Variants in CNTNAP5 observed in about 807,000 individuals in gnomAD.
The protein encoded by CNTNAP5 is contactin-associated protein-like 5.
CNTNAP5 carries 72 observed loss-of-function variants against 150.2 expected under a neutral mutation model. The ratio of observed to expected loss-of-function variants is 0.48; its 90% CI spans 0.40 to 0.58. The LOEUF is 0.58. Ranked by LOEUF, CNTNAP5 falls within the 20% of genes least tolerant of loss-of-function variation. CNTNAP5 has a pLI of 0.00. For missense variants in CNTNAP5, 1,636 were observed against 1,626.2 expected, an observed-to-expected ratio of 1.01 and a Z score of -0.10; for synonymous variants, 672 against 619.8, an observed-to-expected ratio of 1.08 and a Z score of -1.25.
At chr2:124,214,802 T>C (rs138270583) in intron 1 of CNTNAP5, among the ~76,000 whole-genome samples, 67 of 152,314 alleles carry the variant, frequency 4.4e-4, no homozygotes, top group Admixed American at 4.3e-3. Context: ...TTCTGTCTTC[T>C]CACAGCAAGA....
At chr2:124,617,097 T>C (rs990859853) in intron 12 of CNTNAP5, among the ~76,000 whole-genome samples, 1 of 151,944 alleles carries the variant, frequency 6.6e-6, no homozygotes, top group East Asian at 1.9e-4. Context: ...ATAATTATAA[T>C]AATAATATAC....
At chr2:124,034,204 C>T (rs939335650) in intron 1 of CNTNAP5, among the ~76,000 whole-genome samples, 18 of 152,310 alleles carry the variant, frequency 1.2e-4, no homozygotes, top group African/African-American at 4.1e-4. Context: ...TACTAACATG[C>T]ACCTTGCAAA....
chr2:124,555,258 T>G (rs1023208789), intron 10 of CNTNAP5, among the ~76,000 whole-genome samples: 1 of 152,202 alleles, frequency 6.6e-6, no homozygotes, highest in Non-Finnish European at 1.5e-5. Context: ...TATTTTAAAC[T>G]TTTGATACTG....
rs575399762 is a variant in CNTNAP5 at position 124,858,834 on chromosome 2, T to C, written c.3218-6472T>C. Among the ~76,000 whole-genome samples, 10 of 151,982 alleles carry C rather than the reference T, an allele frequency of 6.6e-5. No individual in the cohort carries two copies. In the East Asian group the frequency reaches 1.9e-3, roughly 29 times the overall value. On this transcript the variant is annotated intron_variant, in intron 19 of 23. Coordinates refer to ENST00000682447, the MANE Select transcript of CNTNAP5 (RefSeq NM_001367498.1). ...GCCAAAATTAGTAGAAGAAAAGAAA[T>C]AATAAAAACTGGCTAGACATATGAA...
chr2:124,034,783 A>G (rs1681164597), intron 1 of CNTNAP5, among the ~76,000 whole-genome samples: 1 of 152,264 alleles, frequency 6.6e-6, no homozygotes. Flanking sequence ...CAATGTTCTC[A>G]GCTCCCTAAG....
chr2:124,779,025 G>A (rs186235284), intron 17 of CNTNAP5, among the ~76,000 whole-genome samples: 7 of 152,270 alleles, frequency 4.6e-5, no homozygotes, highest in African/African-American at 7.2e-5. Context: ...CTCATCTTCC[G>A]TGTGTAGAGG....
At chr2:124,841,342 C>T (rs751148352) in intron 19 of CNTNAP5, among the ~76,000 whole-genome samples, 19 of 151,758 alleles carry the variant, frequency 1.3e-4, no homozygotes, top group African/African-American at 2.7e-4. Context: ...CAAGCTTACA[C>T]GCCCACCTTC....
chr2:124,828,194 G>A (rs1448656736), intron 19 of CNTNAP5, among the ~76,000 whole-genome samples: 2 of 152,188 alleles, frequency 1.3e-5, no homozygotes, highest in East Asian at 3.9e-4. Context: ...TAAAAAATAT[G>A]GTATTGGCCA....
intron 1 of CNTNAP5, among the ~76,000 whole-genome samples, chr2:124,072,217 C>T (rs1054623196): frequency 6.6e-5 from 10 of 151,784 alleles, no homozygotes; most frequent in African/African-American, 2.2e-4. Context: ...ATAGAAAGAA[C>T]ATACCTCAAC....
intron 13 of CNTNAP5, among the ~76,000 whole-genome samples, chr2:124,723,208 T>A (rs563554201): frequency 6.6e-6 from 1 of 152,324 alleles, no homozygotes; most frequent in Admixed American, 6.5e-5. Flanking sequence ...GGCCATAGCT[T>A]TGACAGTTTG....
chr2:124,082,731 G>C (rs954070014), intron 1 of CNTNAP5, among the ~76,000 whole-genome samples: 16 of 152,192 alleles, frequency 1.1e-4, no homozygotes, highest in African/African-American at 3.6e-4. Flanking sequence ...CTGTCAAACT[G>C]TATTCCAAGT....
intron 3 of CNTNAP5, among the ~76,000 whole-genome samples, chr2:124,313,141 A>T (rs1202035207): frequency 6.6e-6 from 1 of 152,214 alleles, no homozygotes; most frequent in Non-Finnish European, 1.5e-5. Flanking sequence ...ACCCTGTGCC[A>T]TCATCGATAT....
chr2:124,661,634 A>C (rs1236202462), intron 13 of CNTNAP5, among the ~76,000 whole-genome samples: 1 of 152,108 alleles, frequency 6.6e-6, no homozygotes, highest in Admixed American at 6.5e-5. Flanking sequence ...TAAATGCATA[A>C]ACCAGGAACA....
At chr2:124,581,019 C>G (rs1235211969) in intron 11 of CNTNAP5, among the ~76,000 whole-genome samples, 4 of 152,146 alleles carry the variant, frequency 2.6e-5, no homozygotes, top group Admixed American at 6.5e-5. Context: ...CTCAAAGGCT[C>G]TCACTGAAGG....
At chr2:124,910,178 T>G (rs1678626816) in intron 22 of CNTNAP5, among the ~76,000 whole-genome samples, 1 of 152,006 alleles carries the variant, frequency 6.6e-6, no homozygotes, top group Non-Finnish European at 1.5e-5. Flanking sequence ...ACCAAACATC[T>G]TTCACGTGTG....
intron 14 of CNTNAP5, among the ~76,000 whole-genome samples, chr2:124,752,203 G>T (rs1445357793): frequency 6.6e-6 from 1 of 152,078 alleles, no homozygotes; most frequent in Admixed American, 6.6e-5. Context: ...AGCCTCTGGT[G>T]ATTGATAATT....
Position 124,437,634 on chromosome 2 carries a change from T to G in CNTNAP5, c.733+2947T>G, listed in dbSNP as rs373192736. Reference sequence around the variant, plus strand: ...ATCTTTTAAGTATTTATCTTAGTTATTTATATGAATTCTTTAAATATTATT... The same window carrying G: ...ATCTTTTAAGTATTTATCTTAGTTAGTTATATGAATTCTTTAAATATTATT... On this transcript the variant is annotated intron_variant, in intron 5 of 23. Coordinates refer to ENST00000682447, the MANE Select transcript of CNTNAP5 (RefSeq NM_001367498.1). 2.6e-5 allele frequency among the ~76,000 whole-genome samples: 4 copies of G among 152,190 alleles called. No individual in the cohort carries two copies. The South Asian group carries it at 8.3e-4, about 31-fold the overall frequency.
At chr2:124,248,299 C>T (rs906798099) in intron 3 of CNTNAP5, among the ~76,000 whole-genome samples, 1 of 152,168 alleles carries the variant, frequency 6.6e-6, no homozygotes, top group Non-Finnish European at 1.5e-5. Flanking sequence ...CTTGCTCAGA[C>T]ACTGGTTCTT....
chr2:124,801,053 A>G (rs1166175784), intron 19 of CNTNAP5, among the ~76,000 whole-genome samples: 2 of 152,020 alleles, frequency 1.3e-5, no homozygotes, highest in Non-Finnish European at 2.9e-5. Flanking sequence ...CCCCCACCAC[A>G]CCTTGCTCCA....
Sources: allele counts gnomAD v4.1 joint callset (sites outside exome capture counted in the v4.1 genomes callset), GRCh38; gene constraint gnomAD v4.1.1; transcripts MANE v1.5; gene names NCBI Gene and HGNC (gene_info 2026-07-23, HGNC 2026-07-21).